The following PRKCA variants were observed in gnomAD, a reference collection of about 807,000 sequenced individuals.
The protein encoded by PRKCA is protein kinase C alpha.
PRKCA carries 27 observed loss-of-function variants against 87.0 expected under a neutral mutation model. The observed-to-expected ratio is 0.31, with a 90% CI of 0.23 to 0.43. PRKCA has a LOEUF of 0.43. Among genes scored for constraint, PRKCA ranks in the 20% least tolerant of loss-of-function variants. The pLI, the probability that PRKCA is intolerant of heterozygous loss-of-function variation, is 1.00. For missense variants in PRKCA, 518 were observed against 852.3 expected (o/e 0.61, Z 4.88); for synonymous variants, 329 against 311.1 (o/e 1.06, Z -0.61).
In PRKCA at chr17:66,362,471, C is replaced by T. The variant is rs968315588; in HGVS notation, c.205+56344C>T. ...ATCTGTCCTCTGCTCAATTGTCCCA[C>T]GATTTCCAATGTTCAATGTTATAAT... On this transcript the variant is annotated intron_variant, in intron 2 of 16. Transcript: ENST00000413366. 5.9e-5 allele frequency among the ~76,000 whole-genome samples: 9 copies of T among 152,300 alleles called. No individual in the cohort carries two copies. In the South Asian group the frequency reaches 6.2e-4, roughly 11 times the overall value.
intron 2 of PRKCA, among the ~76,000 whole-genome samples, chr17:66,443,423 G>T (rs933278105): frequency 6.6e-6 from 1 of 152,222 alleles, no homozygotes; most frequent in African/African-American, 2.4e-5. Context: ...CTTCTTAGAT[G>T]TCGTTGTGTA....
intron 2 of PRKCA, among the ~76,000 whole-genome samples, chr17:66,354,806 TC>T (rs1031048237): frequency 6.6e-6 from 1 of 152,234 alleles, no homozygotes; most frequent in African/African-American, 2.4e-5. Flanking sequence ...TACTTTTTTT[TC>T]CTCTGCAAAA....
chr17:66,588,524 C>T (rs1969689689), intron 3 of PRKCA, among the ~76,000 whole-genome samples: 2 of 151,918 alleles, frequency 1.3e-5, no homozygotes, highest in African/African-American at 4.8e-5. Context: ...TTGTTCTGCT[C>T]CTGAGACAAG....
chr17:66,433,998 G>C (rs1913237408), intron 2 of PRKCA, among the ~76,000 whole-genome samples: 1 of 152,110 alleles, frequency 6.6e-6, no homozygotes, highest in African/African-American at 2.4e-5. Flanking sequence ...GGAGCAGGTA[G>C]GGCGCACGGA....
At chr17:66,672,623 T>A (rs1162042895) in intron 5 of PRKCA, among the ~76,000 whole-genome samples, 2 of 152,152 alleles carry the variant, frequency 1.3e-5, no homozygotes, top group Admixed American at 6.5e-5. Flanking sequence ...AAAAAAAGTA[T>A]CAGAAATTTC....
At chr17:66,774,380 A>G (rs1975003133) in intron 14 of PRKCA, 7 of 1,144,018 alleles carry the variant, frequency 6.1e-6, no homozygotes, top group African/African-American at 3.2e-5. Flanking sequence ...CAGCACTTTC[A>G]GAAGCCAAGG....
chr17:66,364,564 G>A (rs779416450), intron 2 of PRKCA, among the ~76,000 whole-genome samples: 2 of 152,164 alleles, frequency 1.3e-5, no homozygotes, highest in Non-Finnish European at 2.9e-5. Flanking sequence ...CGTGGAGGCC[G>A]GAAGATGCCA....
chr17:66,385,966 G>T (rs1391285356), intron 2 of PRKCA, among the ~76,000 whole-genome samples: 1 of 152,062 alleles, frequency 6.6e-6, no homozygotes, highest in Non-Finnish European at 1.5e-5. Context: ...TGCCATGTTG[G>T]CCAGACTGGT....
rs1201713784 is a variant in PRKCA, at chr17:66,781,868, G to GATATATATATATAT, written c.1606-4993_1606-4980dup. On this transcript the variant is annotated intron_variant, in intron 14 of 16. Transcript: ENST00000413366. Reference sequence around the variant, plus strand: ...ATTTTGTGAGAGAGAGAGAGAGAGAGATATATATATATATATATAGTGTGT... The same window carrying GATATATATATATAT: ...ATTTTGTGAGAGAGAGAGAGAGAGAGATATATATATATATATATATATATATATATATAGTGTGT... Among the ~76,000 whole-genome samples, 278 of 99,158 alleles carry GATATATATATATAT rather than the reference G, an allele frequency of 2.8e-3. 3 individuals carry two copies. The highest frequency in any genetic ancestry group is 9.9e-3 in the African/African-American group (259 of 26,050). The allele number at this position is 99,158 out of a possible 152,430, so 65.1% of individuals were successfully genotyped here.
At chr17:66,765,428 A>ATATCTATATATCTATATCTATC (rs1568020922) in intron 13 of PRKCA, among the ~76,000 whole-genome samples, 1 of 102,848 alleles carries the variant, frequency 9.7e-6, no homozygotes, top group Non-Finnish European at 2.0e-5. Context: ...CTATATATAT[A>ATATCTATATATCTATATCTATC]TATATATATA....
rs1196221767 is a variant in PRKCA, at chr17:66,692,482, C to G, written c.918+3435C>G. On this transcript the variant is annotated intron_variant, in intron 8 of 16. Coordinates refer to ENST00000413366, the MANE Select transcript of PRKCA (RefSeq NM_002737.3). ...TTGAGGTCTATAAATGTGAGAGTTG[C>G]AAGACTTCCCCAGTGCCAAGTTACT... 2.0e-5 allele frequency among the ~76,000 whole-genome samples: 3 copies of G among 152,160 alleles called. No individual in the cohort carries two copies. In the East Asian group the frequency reaches 5.8e-4, roughly 29 times the overall value.
At chr17:66,327,084 T>C (rs115202340) in intron 2 of PRKCA, among the ~76,000 whole-genome samples, 1 of 150,674 alleles carries the variant, frequency 6.6e-6, no homozygotes, top group African/African-American at 2.4e-5. Context: ...AATAATTAAA[T>C]AATAGGCCAG....
chr17:66,387,516 C>A (rs771318554), intron 2 of PRKCA, among the ~76,000 whole-genome samples: 1 of 152,170 alleles, frequency 6.6e-6, no homozygotes, highest in Non-Finnish European at 1.5e-5. Context: ...CCTGATGGCT[C>A]AGTAAAAGGA....
At chr17:66,609,135 AATT>A (rs1970284780) in intron 3 of PRKCA, among the ~76,000 whole-genome samples, 1 of 152,196 alleles carries the variant, frequency 6.6e-6, no homozygotes, top group African/African-American at 2.4e-5. Flanking sequence ...TTTAAAAGAG[AATT>A]AATAAATCTG....
At chr17:66,311,253 A>C (rs1448570704) in intron 2 of PRKCA, among the ~76,000 whole-genome samples, 5 of 152,232 alleles carry the variant, frequency 3.3e-5, no homozygotes, top group Admixed American at 3.3e-4. Context: ...GCATTATCTC[A>C]GTCTCAAAGA....
intron 2 of PRKCA, among the ~76,000 whole-genome samples, chr17:66,397,275 C>CTTTTTTT (rs57003663): frequency 1.1e-5 from 1 of 93,674 alleles, no homozygotes; most frequent in Non-Finnish European, 2.0e-5. Context: ...CCAGTGTAGA[C>CTTTTTTT]TTTTTTTTTT....
At chr17:66,629,227 A>G (rs1970940302) in intron 3 of PRKCA, among the ~76,000 whole-genome samples, 1 of 152,164 alleles carries the variant, frequency 6.6e-6, no homozygotes, top group Non-Finnish European at 1.5e-5. Flanking sequence ...TAATAGATGA[A>G]CAAATACCAG....
chr17:66,607,539 C>T (rs1970245463), intron 3 of PRKCA, among the ~76,000 whole-genome samples: 1 of 152,172 alleles, frequency 6.6e-6, no homozygotes, highest in South Asian at 2.1e-4. Flanking sequence ...CTCATTTTCT[C>T]CTCCCTTATG....
At chr17:66,630,652 CAT>C (rs1970985283) in intron 3 of PRKCA, among the ~76,000 whole-genome samples, 1 of 152,206 alleles carries the variant, frequency 6.6e-6, no homozygotes. Context: ...TGATATATAA[CAT>C]GAGTGAGAAA....
Sources: gnomAD v4.1 joint callset for allele counts (sites outside exome capture counted in the v4.1 genomes callset) on GRCh38, gnomAD v4.1.1 for gene constraint, MANE v1.5 for transcripts, NCBI Gene and HGNC (gene_info 2026-07-23, HGNC 2026-07-21) for gene names.